The following TRPM6 variants were observed in gnomAD, a reference collection of about 807,000 sequenced individuals.
The protein encoded by TRPM6 is channel kinase 2.
In TRPM6, 111 loss-of-function variants were observed where a neutral mutation model predicts 247.6. The observed-to-expected ratio is 0.45, with a 90% CI of 0.38 to 0.52. TRPM6 has a LOEUF of 0.52. TRPM6 is among the 20% of genes least tolerant of loss of function. TRPM6 has a pLI of 0.00. For synonymous variants in TRPM6, 892 were observed against 853.8 expected (o/e 1.04, Z -0.78); for missense variants, 2,126 against 2,421.5 (o/e 0.88, Z 2.56).
At chr9:74,831,321 C>A (rs1374458443) in intron 6 of TRPM6, among the ~76,000 whole-genome samples, 1 of 151,998 alleles carries the variant, frequency 6.6e-6, no homozygotes. Context: ...GAAACCCCAT[C>A]TTTACCAACA....
chr9:74,782,563 C>T, intron 22 of TRPM6, 87 bp from the exon 23 acceptor site: 5 of 1,457,268 alleles, frequency 3.4e-6, no homozygotes, highest in Non-Finnish European at 4.8e-6. Flanking sequence ...ATTAACTGCA[C>T]AGAATACCAT....
At chr9:74,766,135 T>G (rs549875934) in intron 25 of TRPM6, among the ~76,000 whole-genome samples, 1 of 152,324 alleles carries the variant, frequency 6.6e-6, no homozygotes, top group South Asian at 2.1e-4. Flanking sequence ...TTAGCAGCAG[T>G]CACATCGAAT....
At chr9:74,731,910 G>A (rs1364879182) in intron 37 of TRPM6, among the ~76,000 whole-genome samples, 2 of 152,072 alleles carry the variant, frequency 1.3e-5, no homozygotes, top group Non-Finnish European at 2.9e-5. Flanking sequence ...TGGGAGTGGG[G>A]CCCAGCAATC....
intron 23 of TRPM6, among the ~76,000 whole-genome samples, chr9:74,780,109 T>A (rs1384371864): frequency 6.6e-6 from 1 of 150,918 alleles, no homozygotes; most frequent in Non-Finnish European, 1.5e-5. Flanking sequence ...GAGGCAAAGG[T>A]TGCAGTGAGC....
intron 5 of TRPM6, 116 bp downstream of exon 5, chr9:74,839,892 AGGAGGGAGGGAGGGAG>A: frequency 4.8e-6 from 1 of 210,468 alleles, no homozygotes; most frequent in Non-Finnish European, 7.7e-6. Context: ...GAAGGAAGGA[AGGAGGGAGGGAGGGAG>A]GGAGGGAGGG....
intron 1 of TRPM6, among the ~76,000 whole-genome samples, chr9:74,860,949 G>T (rs7035390): frequency 0.028 from 4,201 of 152,148 alleles, 213 homozygotes; most frequent in African/African-American, 0.097. Context: ...TTAAGCCCAA[G>T]GAAGTCGAGG....
chr9:74,887,775 G>A (rs1263999504), intron 1 of TRPM6, 49 bp downstream of exon 1: 5 of 1,613,998 alleles, frequency 3.1e-6, no homozygotes, highest in Non-Finnish European at 4.2e-6. Flanking sequence ...CAGATCTAGC[G>A]AATCGCCTAA....
At chr9:74,832,108 C>T (rs934108812) in intron 6 of TRPM6, among the ~76,000 whole-genome samples, 4 of 152,116 alleles carry the variant, frequency 2.6e-5, no homozygotes, top group African/African-American at 9.7e-5. Context: ...AAACCTGAAC[C>T]TGATCATACC....
At chr9:74,846,344 T>C (rs905724883) in intron 3 of TRPM6, among the ~76,000 whole-genome samples, 8 of 152,210 alleles carry the variant, frequency 5.3e-5, no homozygotes, top group African/African-American at 1.4e-4. Flanking sequence ...GGGAAATTCA[T>C]ATTTCTACAT....
chr9:74,836,867 C>T (rs1056240144), intron 5 of TRPM6, among the ~76,000 whole-genome samples: 20 of 152,332 alleles, frequency 1.3e-4, no homozygotes, highest in African/African-American at 4.8e-4. Context: ...ATGCCGCTTC[C>T]TACCTTTACC....
At chr9:74,871,839 C>T (rs1831040496) in intron 1 of TRPM6, among the ~76,000 whole-genome samples, 1 of 151,708 alleles carries the variant, frequency 6.6e-6, no homozygotes, top group African/African-American at 2.4e-5. Flanking sequence ...GCGACCATAC[C>T]CAACTCAGTA....
In TRPM6 at chr9:74,887,044, A is replaced by G. The variant is rs73538239; in HGVS notation, c.33+780T>C. ...AGACCAAGAAATTACCAGGATCTCC[A>G]CTACTCTCCCAAGCGTCTCCAGTGC... is the stretch of plus-strand genomic sequence containing the variant. On this transcript the variant is annotated intron_variant, in intron 1 of 38. Coordinates refer to ENST00000360774, the MANE Select transcript of TRPM6 (RefSeq NM_017662.5). Among the ~76,000 whole-genome samples, 3,238 of 152,308 alleles carry G rather than the reference A, an allele frequency of 0.021. 132 individuals are homozygous for G. Among genetic ancestry groups the G allele is most frequent in the African/African-American group, 0.075 (3,106 of 41,564 alleles).
chr9:74,880,245 G>A (rs959773065), intron 1 of TRPM6, among the ~76,000 whole-genome samples: 1 of 152,014 alleles, frequency 6.6e-6, no homozygotes, highest in African/African-American at 2.4e-5. Context: ...TGCTCTGGAA[G>A]GTGAAGAGAA....
At chr9:74,869,563 G>T (rs866040726) in intron 1 of TRPM6, among the ~76,000 whole-genome samples, 1 of 152,046 alleles carries the variant, frequency 6.6e-6, no homozygotes, top group African/African-American at 2.4e-5. Flanking sequence ...TGTCTTAGGT[G>T]CTTTAGCTAA....
chr9:74,743,810 G>A lies in TRPM6; in HGVS notation c.5134+285C>T, dbSNP rs76224269. Among the ~76,000 whole-genome samples the A allele has an allele frequency of 5.1e-4, 77 of 152,262 alleles. 1 individual carries two copies. Among genetic ancestry groups the A allele is most frequent in the Middle Eastern group, 3.4e-3 (1 of 294 alleles). On this transcript the variant is annotated intron_variant, in intron 32 of 38. Transcript: ENST00000360774. ...TCTCTGGCTTGGGGCTGCTTTGAGC[G>A]TGCAAAGAATTTTTAGATTTCAAGG...
chr9:74,789,093 C>T lies in TRPM6; in HGVS notation c.2539-351G>A, dbSNP rs139052067. Among the ~76,000 whole-genome samples, 410 of 152,258 alleles carry T rather than the reference C, an allele frequency of 2.7e-3. 11 individuals are homozygous for T. Among genetic ancestry groups the T allele is most frequent in the Non-Finnish European group, 4.7e-4 (32 of 68,022 alleles). On this transcript the variant is annotated intron_variant, in intron 19 of 38. Coordinates refer to ENST00000360774, the MANE Select transcript of TRPM6 (RefSeq NM_017662.5). ...AGGAGGAATCACAGGTCTTCCCCTC[C>T]ATCTTAAACACAGAAAGAAAACGTG...
chr9:74,790,900 T>C (rs1827877281), intron 19 of TRPM6, among the ~76,000 whole-genome samples: 1 of 152,202 alleles, frequency 6.6e-6, no homozygotes, highest in Non-Finnish European at 1.5e-5. Context: ...CAAAGTGGCA[T>C]CACATAAAGG....
At chr9:74,814,054 A>ACCGAGATCGCG (rs1421816279) in intron 11 of TRPM6, among the ~76,000 whole-genome samples, 1 of 152,152 alleles carries the variant, frequency 6.6e-6, no homozygotes, top group Non-Finnish European at 1.5e-5. Context: ...CCAAGATTGT[A>ACCGAGATCGCG]CCACTGCACT....
At chr9:74,745,268 C>T (rs2118760856) in intron 31 of TRPM6, among the ~76,000 whole-genome samples, 2 of 152,310 alleles carry the variant, frequency 1.3e-5, no homozygotes, top group Middle Eastern at 3.4e-3. Context: ...CCTGGCTTCA[C>T]TGCTTAAGGA....
Sources: gnomAD v4.1 joint callset for allele counts (sites outside exome capture counted in the v4.1 genomes callset) on GRCh38, gnomAD v4.1.1 for gene constraint, MANE v1.5 for transcripts, NCBI Gene and HGNC (gene_info 2026-07-23, HGNC 2026-07-21) for gene names.